The following RTL4 variants were observed in gnomAD, a reference collection of about 807,000 sequenced individuals.
RTL4 encodes retrotransposon Gag-like protein 4.
A neutral mutation model predicts 5.3 loss-of-function variants in RTL4; 4 were observed. The ratio of observed to expected loss-of-function variants is 0.75; its 90% confidence interval spans 0.37 to 1.72. The LOEUF (loss-of-function observed/expected upper bound fraction) is 1.72. RTL4 is among the 40% of genes most tolerant of loss of function. The pLI is 0.04. For synonymous variants in RTL4, 98 were observed against 87.3 expected (o/e 1.12, Z -0.68); for missense variants, 260 against 227.1 (o/e 1.14, Z -0.93).
At chrX:112,230,066 G>T in the RTL4 span, among the ~76,000 whole-genome samples, 1 of 112,194 alleles carries the variant, frequency 8.9e-6, no homozygotes, top group African/African-American at 3.2e-5. Flanking sequence ...TGTCAGACAG[G>T]GACATTTAAG....
At chrX:112,162,347 C>T in the RTL4 span, among the ~76,000 whole-genome samples, 112 of 111,444 alleles carry the variant, frequency 1.0e-3, no homozygotes, top group Non-Finnish European at 1.6e-3. Context: ...TGTTTTTTCT[C>T]ACTCTTCTCA....
chrX:112,201,973 TTGTGTGTGTG>T, the RTL4 span, among the ~76,000 whole-genome samples: 4 of 103,399 alleles, frequency 3.9e-5, no homozygotes, highest in African/African-American at 1.4e-4. Flanking sequence ...TTGTGTGTGT[TTGTGTGTGTG>T]TGTGTGTGTG....
the RTL4 span, among the ~76,000 whole-genome samples, chrX:112,268,327 T>A: frequency 8.9e-6 from 1 of 112,332 alleles, no homozygotes; most frequent in Admixed American, 9.5e-5. Context: ...GTTCTCTCAA[T>A]GAATGAAAGA....
chrX:112,324,536 T>G, the RTL4 span, among the ~76,000 whole-genome samples: 1 of 111,303 alleles, frequency 9.0e-6, no homozygotes, highest in Non-Finnish European at 1.9e-5. Context: ...CCTGGTTTTC[T>G]AAGATTAGAT....
chrX:112,108,597 A>G, the RTL4 span, among the ~76,000 whole-genome samples: 1 of 110,787 alleles, frequency 9.0e-6, no homozygotes, highest in African/African-American at 3.3e-5. Flanking sequence ...GGGTAGATCT[A>G]TTGATTGACT....
chrX:112,100,534 A>G, the RTL4 span, among the ~76,000 whole-genome samples: 1 of 112,088 alleles, frequency 8.9e-6, no homozygotes, highest in South Asian at 3.7e-4. Flanking sequence ...AATTGGAGAC[A>G]TTATCATACC....
the RTL4 span, among the ~76,000 whole-genome samples, chrX:112,108,890 CTG>C: frequency 9.0e-6 from 1 of 111,382 alleles, no homozygotes; most frequent in East Asian, 2.9e-4. Flanking sequence ...AAGGCTCAGT[CTG>C]TGGATACCAA....
the RTL4 span, among the ~76,000 whole-genome samples, chrX:112,376,315 A>G: frequency 9.0e-6 from 1 of 111,358 alleles, no homozygotes; most frequent in African/African-American, 3.3e-5. Flanking sequence ...ATTAATACCC[A>G]AAGACTAAAA....
At chrX:112,107,978 A>G in the RTL4 span, among the ~76,000 whole-genome samples, 6 of 110,882 alleles carry the variant, frequency 5.4e-5, no homozygotes, top group East Asian at 1.7e-3. Flanking sequence ...TAAATCTTAT[A>G]AGCTTTCTTC....
At chrX:112,388,842 A>G in the RTL4 span, among the ~76,000 whole-genome samples, 1 of 111,447 alleles carries the variant, frequency 9.0e-6, no homozygotes. Context: ...TTTTGCATCG[A>G]TGTTCATCAA....
At chrX:112,090,580 A>G in the RTL4 span, among the ~76,000 whole-genome samples, 11 of 111,451 alleles carry the variant, frequency 9.9e-5, no homozygotes, top group Non-Finnish European at 1.5e-4. Context: ...AATCAACCAT[A>G]CATTCCTGGG....
chrX:112,335,423 T>TA, the RTL4 span, among the ~76,000 whole-genome samples: 806 of 112,014 alleles, frequency 7.2e-3, 10 homozygotes, highest in African/African-American at 0.025. Flanking sequence ...TTCAATTGTT[T>TA]AAAAAAATCA....
the RTL4 span, among the ~76,000 whole-genome samples, chrX:112,389,873 T>A: frequency 9.4e-6 from 1 of 105,910 alleles, no homozygotes; most frequent in Admixed American, 1.0e-4. Context: ...GAATGTATAA[T>A]CTGTTGTTTT....
At chrX:112,129,225 C>T in the RTL4 span, among the ~76,000 whole-genome samples, 1 of 111,474 alleles carries the variant, frequency 9.0e-6, no homozygotes, top group African/African-American at 3.3e-5. Context: ...GAAATTAGAA[C>T]CCTTTTGTAT....
At chrX:112,411,720 A>T in the RTL4 span, among the ~76,000 whole-genome samples, 1 of 111,580 alleles carries the variant, frequency 9.0e-6, no homozygotes, top group African/African-American at 3.2e-5. Flanking sequence ...AATAAAAGAC[A>T]TATATGATGG....
the RTL4 span, among the ~76,000 whole-genome samples, chrX:112,184,347 A>G: frequency 8.9e-6 from 1 of 112,025 alleles, no homozygotes; most frequent in African/African-American, 3.2e-5. Context: ...AACTTAAAGT[A>G]TAATAAAAAA....
chrX:112,431,431 C>G, the RTL4 span, among the ~76,000 whole-genome samples: 1 of 111,353 alleles, frequency 9.0e-6, no homozygotes, highest in Non-Finnish European at 1.9e-5. Flanking sequence ...ATGTGGAAGC[C>G]CCATGACAGA....
the RTL4 span, among the ~76,000 whole-genome samples, chrX:112,179,594 T>A: frequency 9.0e-6 from 1 of 111,594 alleles, no homozygotes; most frequent in African/African-American, 3.3e-5. Flanking sequence ...AAGAGTCAAT[T>A]AAGGTGAAAA....
the RTL4 span, among the ~76,000 whole-genome samples, chrX:112,430,544 A>G: frequency 9.0e-6 from 1 of 111,032 alleles, no homozygotes; most frequent in Non-Finnish European, 1.9e-5. Flanking sequence ...GCCATATCTG[A>G]CTCTGGCTCT....
Sources: gnomAD v4.1 joint callset for allele counts (sites outside exome capture counted in the v4.1 genomes callset) on GRCh38, gnomAD v4.1.1 for gene constraint, MANE v1.5 for transcripts, NCBI Gene and HGNC (gene_info 2026-07-23, HGNC 2026-07-21) for gene names.